ZSCAN30: variants seen among roughly 807,000 people sequenced by gnomAD.
ZSCAN30 encodes zinc finger and SCAN domain-containing protein 30.
ZSCAN30 carries 37 observed loss-of-function variants against 44.3 expected under a neutral mutation model. The ratio of observed to expected loss-of-function variants is 0.84; its 90% CI spans 0.64 to 1.10. The LOEUF (loss-of-function observed/expected upper bound fraction) is 1.10, where lower values mean the gene tolerates loss of function less well. Among genes scored for constraint, ZSCAN30 ranks in the 50% least tolerant of loss-of-function variants. The pLI is 0.00. For missense variants in ZSCAN30, 549 were observed against 582.6 expected (o/e 0.94, Z 0.59); for synonymous variants, 181 against 204.6 (o/e 0.88, Z 0.98).
At chr18:35,289,673 A>C (rs2044619019) in intron 1 of ZSCAN30, 1 of 152,232 alleles carries the variant, frequency 6.6e-6, no homozygotes, top group Non-Finnish European at 1.5e-5. Flanking sequence ...TCTAGCAAGC[A>C]AACCTTAAAT....
At chr18:35,273,675 G>C (rs1284039898) in intron 1 of ZSCAN30, among the ~76,000 whole-genome samples, 2 of 152,308 alleles carry the variant, frequency 1.3e-5, no homozygotes, top group East Asian at 3.9e-4. Flanking sequence ...CCACGTGTGA[G>C]GGTTTACTTC....
In ZSCAN30 at chr18:35,252,752, T is replaced by G; in HGVS notation, c.*698A>C. ...TTACCACACTTTACTGTAATTACTG[T>G]TTAGTATATATGCATATCCTATTAG... On this transcript the variant is annotated 3_prime_UTR_variant, in exon 4 of 4. Transcript: ENST00000333206. The G allele has an allele frequency of 6.6e-6, 1 of 152,204 alleles. No homozygotes were observed. Among genetic ancestry groups the G allele is most frequent in the South Asian group, 2.1e-4 (1 of 4,836 alleles). 9.4% of individuals were successfully genotyped at this position (152,204 alleles called of 1,614,324 possible). A position where few individuals can be genotyped will look rare whatever the true frequency, so the allele number is the denominator to read the frequency against.
chr18:35,267,308 T>C lies in ZSCAN30; in HGVS notation c.-103-2853A>G, dbSNP rs545320495. 7.9e-5 allele frequency among the ~76,000 whole-genome samples: 12 copies of C among 151,892 alleles called. No individual in the cohort carries two copies. In the East Asian group the frequency reaches 2.3e-3, roughly 30 times the overall value. ...AAGGCGGGGTGGCTGAGTGGGCAAG[T>C]GGAAATGGATGGCGGGACTGACCGA... On this transcript the variant is annotated intron_variant, in intron 1 of 3. Coordinates refer to ENST00000333206, the MANE Select transcript of ZSCAN30 (RefSeq NM_001112734.4).
chr18:35,263,945 C>A lies in ZSCAN30; in HGVS notation c.408G>T (p.Gln136His). Residue 136 changes from glutamine (Q) to histidine (H), a missense_variant and splice_region_variant, in exon 2 of 4, where the codon CAG becomes CAT. By Grantham distance (24) the Gln-to-His change is conservative. Coordinates refer to ENST00000333206, the MANE Select transcript of ZSCAN30 (RefSeq NM_001112734.4). Reference sequence around the variant, plus strand: ...ACAAACAAAAATGTTTACTTCTTACCTGTTGCCTTGGCTCCTCCAGTTCTT... The same window carrying A: ...ACAAACAAAAATGTTTACTTCTTACATGTTGCCTTGGCTCCTCCAGTTCTT... The part of the protein sequence containing the change: ...LEKELEEPRQ[Q>H]DTTHGQEMFW... 6.2e-7 allele frequency: 1 copy of A among 1,613,352 alleles called. No homozygotes were observed. The highest frequency in any genetic ancestry group is 8.5e-7 in the Non-Finnish European group (1 of 1,179,546).
At chr18:35,258,148 C>A in intron 3 of ZSCAN30, 1 of 614,540 alleles carries the variant, frequency 1.6e-6, no homozygotes, top group Admixed American at 2.7e-5. Context: ...AAAGGATCCA[C>A]ATTAATTCTT....
intron 3 of ZSCAN30, chr18:35,262,318 CT>C (rs1569069677): frequency 6.6e-6 from 1 of 152,204 alleles, no homozygotes; most frequent in African/African-American, 2.4e-5. Context: ...TGAGAACAAG[CT>C]GGTATACCTG....
At chr18:35,280,200 CA>C (rs2044431262) in intron 1 of ZSCAN30, among the ~76,000 whole-genome samples, 1 of 151,386 alleles carries the variant, frequency 6.6e-6, no homozygotes, top group Non-Finnish European at 1.5e-5. Flanking sequence ...CACTTAAGCC[CA>C]GGAGGTTGAG....
At position 35,264,369 on chromosome 18, in the gene ZSCAN30, C is replaced by A; in HGVS notation, c.-17G>T. 6.2e-7 allele frequency: 1 copy of A among 1,601,602 alleles called. No homozygotes were observed. The highest frequency in any genetic ancestry group is 1.1e-5 in the South Asian group (1 of 89,762). On this transcript the variant is annotated 5_prime_UTR_variant, in exon 2 of 4. Transcript: ENST00000333206. ...TCCTGACATTCTGGGCAGAGACAGT[C>A]TGAAAAGGCTGCCCAGGTGAGGCAG...
At position 35,253,437 on chromosome 18, in the gene ZSCAN30, C is replaced by T; in HGVS notation, c.*13G>A. On this transcript the variant is annotated 3_prime_UTR_variant, in exon 4 of 4. Transcript: ENST00000333206. ...CCTTGCATTTCACAATTGTACAACTCTTACCCACAGAGTTAAACTCTGGTG... is the reference window on the plus strand; with the variant it reads ...CCTTGCATTTCACAATTGTACAACTTTTACCCACAGAGTTAAACTCTGGTG... 3 of 1,546,744 alleles carry T rather than the reference C, an allele frequency of 1.9e-6. No homozygotes were observed. Among genetic ancestry groups the T allele is most frequent in the Non-Finnish European group, 1.7e-6 (2 of 1,146,070 alleles).
chr18:35,270,142 G>C (rs982184121), intron 1 of ZSCAN30: 3 of 151,962 alleles, frequency 2.0e-5, no homozygotes, highest in African/African-American at 7.2e-5. Context: ...ATAATGCATG[G>C]ATTTTAGATA....
At chr18:35,278,468 C>A (rs1046387353) in intron 1 of ZSCAN30, among the ~76,000 whole-genome samples, 2 of 152,196 alleles carry the variant, frequency 1.3e-5, no homozygotes, top group Non-Finnish European at 2.9e-5. Flanking sequence ...AGAATCCATA[C>A]AATTAGGCAC....
At chr18:35,265,087 A>C (rs1191820460) in intron 1 of ZSCAN30, among the ~76,000 whole-genome samples, 3 of 151,890 alleles carry the variant, frequency 2.0e-5, no homozygotes, top group African/African-American at 7.3e-5. Flanking sequence ...GGGAGCTTGC[A>C]GTGAGCCAAG....
At chr18:35,257,240 T>G (rs1358281605) in intron 3 of ZSCAN30, 3 of 152,354 alleles carry the variant, frequency 2.0e-5, no homozygotes, top group Non-Finnish European at 4.4e-5. Flanking sequence ...CGAGTATGCT[T>G]TTAGCCTTAA....
chr18:35,263,678 G>A (rs889187467), intron 2 of ZSCAN30, 21 bp from the exon 3 acceptor site: 1 of 1,613,326 alleles, frequency 6.2e-7, no homozygotes, highest in African/African-American at 1.3e-5. Flanking sequence ...TCAAGTACCA[G>A]CACTATCATT....
intron 1 of ZSCAN30, chr18:35,268,865 G>C (rs2044216850): frequency 6.6e-6 from 1 of 152,208 alleles, no homozygotes; most frequent in Non-Finnish European, 1.5e-5. Context: ...TTGTAGAAAA[G>C]AAAAGGTAAA....
chr18:35,277,681 A>G (rs1218365983), intron 1 of ZSCAN30, among the ~76,000 whole-genome samples: 1 of 152,136 alleles, frequency 6.6e-6, no homozygotes, highest in Non-Finnish European at 1.5e-5. Flanking sequence ...TCCTTTATAT[A>G]TTACCCAGTC....
intron 1 of ZSCAN30, among the ~76,000 whole-genome samples, chr18:35,271,466 G>A (rs2044273598): frequency 6.6e-6 from 1 of 152,274 alleles, no homozygotes; most frequent in Non-Finnish European, 1.5e-5. Context: ...GACACAGAGT[G>A]CTGATTGGTG....
chr18:35,254,344 C>T lies in ZSCAN30; in HGVS notation c.591G>A (p.Lys197=). 1 of 1,613,878 alleles carries T rather than the reference C, an allele frequency of 6.2e-7. No homozygotes were observed. The highest frequency in any genetic ancestry group is 2.2e-5 in the East Asian group (1 of 44,870). Residue 197 remains lysine (K), a synonymous_variant, in exon 4 of 4, where the codon AAG becomes AAA. Coordinates refer to ENST00000333206, the MANE Select transcript of ZSCAN30 (RefSeq NM_001112734.4). ...AGGCTACACATTCAACAATTTCTTG[C>T]TTTGCCATCAACACTTTGCCAGCCA... ...RMVAGKVLMA[K]QEIVECVASA... is the part of the protein sequence containing the mutation.
Position 35,251,208 on chromosome 18 carries a change from T to G in ZSCAN30, c.*2242A>C. 6.6e-6 allele frequency: 1 copy of G among 152,170 alleles called. No homozygotes were observed. The highest frequency in any genetic ancestry group is 1.9e-4 in the East Asian group (1 of 5,200). 9.4% of individuals were successfully genotyped at this position (152,170 alleles called of 1,614,324 possible). A position where few individuals can be genotyped will look rare whatever the true frequency, so the allele number is the denominator to read the frequency against. ...TACTAGGATTGGGAAAAATAAACACTAATAGAAAGTACTCCAAAATGTTAA... is the reference window on the plus strand; with the variant it reads ...TACTAGGATTGGGAAAAATAAACACGAATAGAAAGTACTCCAAAATGTTAA... On this transcript the variant is annotated 3_prime_UTR_variant, in exon 4 of 4. Transcript: ENST00000333206.
Sources: allele counts gnomAD v4.1 joint callset (sites outside exome capture counted in the v4.1 genomes callset), GRCh38; gene constraint gnomAD v4.1.1; transcripts MANE v1.5; gene names NCBI Gene and HGNC (gene_info 2026-07-23, HGNC 2026-07-21).